The following CSMD1 variants were observed in gnomAD, a reference collection of about 807,000 sequenced individuals.
CSMD1 encodes the protein CUB and Sushi multiple domains 1.
Under a neutral mutation model 417.5 loss-of-function variants are expected in CSMD1, and 213 were observed. The observed-to-expected ratio is 0.51, with a 90% CI of 0.46 to 0.57. The LOEUF (loss-of-function observed/expected upper bound fraction) is 0.57, where lower values mean the gene tolerates loss of function less well. CSMD1 is among the 20% of genes least tolerant of loss of function. The pLI is 0.00. For missense variants in CSMD1, 6,923 were observed against 4,529.7 expected, an observed-to-expected ratio of 1.53 and a Z score of -15.17; for synonymous variants, 2,862 against 1,736.8, an observed-to-expected ratio of 1.65 and a Z score of -16.11.
chr8:3,252,884 T>C (rs1047850697), intron 26 of CSMD1, among the ~76,000 whole-genome samples: 7 of 152,226 alleles, frequency 4.6e-5, no homozygotes, highest in African/African-American at 1.7e-4. Context: ...TGGTAGTTTG[T>C]ATTTCTGTGG....
At chr8:3,844,537 A>G (rs1204831171) in intron 5 of CSMD1, among the ~76,000 whole-genome samples, 1 of 152,206 alleles carries the variant, frequency 6.6e-6, no homozygotes, top group Non-Finnish European at 1.5e-5. Flanking sequence ...CAGAATTGTC[A>G]CAGAGGGAAA....
At chr8:3,701,285 A>G (rs535733423) in intron 7 of CSMD1, among the ~76,000 whole-genome samples, 9 of 152,310 alleles carry the variant, frequency 5.9e-5, no homozygotes, top group African/African-American at 1.7e-4. Context: ...CCGAAGATGA[A>G]TATGAGTGAG....
chr8:3,408,295 G>C, intron 13 of CSMD1, 70 bp from the exon 14 acceptor site: 1 of 1,243,326 alleles, frequency 8.0e-7, no homozygotes, highest in Non-Finnish European at 1.1e-6. Flanking sequence ...GAAACAGACA[G>C]CTAAGAACCT....
intron 7 of CSMD1, among the ~76,000 whole-genome samples, chr8:3,636,819 T>A (rs111319550): frequency 3.1e-4 from 47 of 152,300 alleles, no homozygotes; most frequent in African/African-American, 1.1e-3. Context: ...CTTTTCTTTA[T>A]TTTTTGCTAT....
intron 25 of CSMD1, among the ~76,000 whole-genome samples, chr8:3,300,463 G>A (rs1804306214): frequency 6.6e-6 from 1 of 151,916 alleles, no homozygotes; most frequent in South Asian, 2.1e-4. Flanking sequence ...GGACAAAATA[G>A]TTTTTGTTTT....
chr8:4,932,246 C>T (rs180934186), intron 1 of CSMD1, among the ~76,000 whole-genome samples: 750 of 70,646 alleles, frequency 0.011, 6 homozygotes, highest in African/African-American at 0.041. Context: ...TTAAATATAA[C>T]TTCTCTGGTT....
chr8:4,875,784 G>T (rs902969495), intron 1 of CSMD1, among the ~76,000 whole-genome samples: 1 of 151,784 alleles, frequency 6.6e-6, no homozygotes, highest in African/African-American at 2.4e-5. Flanking sequence ...GGAACTCTAA[G>T]ATATAATGGT....
intron 54 of CSMD1, among the ~76,000 whole-genome samples, chr8:2,994,093 C>G (rs780226561): frequency 9.8e-5 from 12 of 123,016 alleles, no homozygotes; most frequent in Non-Finnish European, 1.7e-4. Context: ...TTGCAGTGAG[C>G]TGAGATGGCG....
chr8:3,017,427 C>A (rs930063579), intron 52 of CSMD1, among the ~76,000 whole-genome samples: 2 of 152,138 alleles, frequency 1.3e-5, no homozygotes, highest in Non-Finnish European at 2.9e-5. Flanking sequence ...AATGAGGACA[C>A]CCAACGACAG....
At chr8:3,501,821 T>C (rs1333775728) in intron 10 of CSMD1, among the ~76,000 whole-genome samples, 3 of 152,214 alleles carry the variant, frequency 2.0e-5, no homozygotes, top group African/African-American at 7.2e-5. Flanking sequence ...TTTACTTGTT[T>C]TCACCTGAGG....
chr8:4,520,791 A>C (rs1481217468), intron 2 of CSMD1, among the ~76,000 whole-genome samples: 1 of 152,184 alleles, frequency 6.6e-6, no homozygotes, highest in Non-Finnish European at 1.5e-5. Flanking sequence ...TTGCAATGAA[A>C]ATTTGAAATT....
At chr8:3,336,138 G>A (rs1241192124) in intron 23 of CSMD1, among the ~76,000 whole-genome samples, 1 of 149,624 alleles carries the variant, frequency 6.7e-6, no homozygotes, top group East Asian at 2.0e-4. Context: ...CCAAACCTCT[G>A]TTCCCTCATA....
intron 1 of CSMD1, among the ~76,000 whole-genome samples, chr8:4,785,961 T>A (rs1428758693): frequency 1.3e-5 from 2 of 152,146 alleles, no homozygotes; most frequent in African/African-American, 4.8e-5. Flanking sequence ...TCAACAATTA[T>A]AGGAAAGACA....
intron 1 of CSMD1, among the ~76,000 whole-genome samples, chr8:4,930,210 T>C (rs1180058294): frequency 6.6e-6 from 1 of 152,146 alleles, no homozygotes; most frequent in Non-Finnish European, 1.5e-5. Context: ...CAATATGCAA[T>C]CAATGTCCTT....
At chr8:4,086,624 G>C (rs1336318511) in intron 3 of CSMD1, among the ~76,000 whole-genome samples, 15 of 152,150 alleles carry the variant, frequency 9.9e-5, no homozygotes, top group Admixed American at 9.8e-4. Flanking sequence ...GCAGACGCGA[G>C]ACTTTTCTTA....
chr8:4,296,579 C>G (rs1480542168), intron 3 of CSMD1, among the ~76,000 whole-genome samples: 2 of 149,168 alleles, frequency 1.3e-5, no homozygotes, highest in Non-Finnish European at 1.5e-5. Context: ...TTTCTACATG[C>G]AAAAGGCAGG....
At chr8:3,556,922 GT>G (rs1799182344) in intron 10 of CSMD1, among the ~76,000 whole-genome samples, 1 of 152,080 alleles carries the variant, frequency 6.6e-6, no homozygotes, top group Admixed American at 6.6e-5. Flanking sequence ...CACAAATGCA[GT>G]TTTCAAACAC....
chr8:4,458,793 A>T (rs930150337), intron 2 of CSMD1, among the ~76,000 whole-genome samples: 1 of 151,828 alleles, frequency 6.6e-6, no homozygotes, highest in Non-Finnish European at 1.5e-5. Flanking sequence ...AGGAATATTT[A>T]ATTTTTTTTA....
At chr8:4,498,989 A>G (rs1278883874) in intron 2 of CSMD1, among the ~76,000 whole-genome samples, 1 of 152,220 alleles carries the variant, frequency 6.6e-6, no homozygotes, top group African/African-American at 2.4e-5. Flanking sequence ...ATTAAAAAAA[A>G]GTAATTGAAA....
Sources: allele counts gnomAD v4.1 joint callset (sites outside exome capture counted in the v4.1 genomes callset), GRCh38; gene constraint gnomAD v4.1.1; transcripts MANE v1.5; gene names NCBI Gene and HGNC (gene_info 2026-07-23, HGNC 2026-07-21).